Variants in IFT88 observed in about 807,000 individuals in gnomAD.
IFT88 encodes the protein intraflagellar transport protein 88 homolog.
Under a neutral mutation model 119.5 loss-of-function variants are expected in IFT88, and 74 were observed. That is an observed-to-expected ratio of 0.62 (90% CI 0.51 to 0.75). IFT88 has a LOEUF of 0.75. Among genes scored for constraint, IFT88 ranks in the 30% least tolerant of loss-of-function variants. IFT88 has a pLI of 0.00. For missense variants in IFT88, 961 were observed against 977.7 expected (o/e 0.98, Z 0.23); for synonymous variants, 279 against 316.7 (o/e 0.88, Z 1.26).
chr13:20,588,157 C>T (rs1175908459), intron 3 of IFT88, among the ~76,000 whole-genome samples: 1 of 151,950 alleles, frequency 6.6e-6, no homozygotes, highest in Non-Finnish European at 1.5e-5. Context: ...TGATACTCAT[C>T]TCTAACTTTT....
intron 14 of IFT88, among the ~76,000 whole-genome samples, chr13:20,624,279 G>T (rs181546015): frequency 1.8e-3 from 270 of 152,214 alleles, no homozygotes; most frequent in Non-Finnish European, 3.0e-3. Flanking sequence ...AAAGGATAGT[G>T]ATGCAGGGAT....
chr13:20,598,852 G>A (rs2139023963), intron 10 of IFT88, 99 bp downstream of exon 10: 1 of 699,390 alleles, frequency 1.4e-6, no homozygotes, highest in Non-Finnish European at 2.5e-6. Context: ...AATGATCTAT[G>A]CTCTAAACAA....
intron 22 of IFT88, among the ~76,000 whole-genome samples, chr13:20,659,426 C>A (rs76375984): frequency 0.043 from 6,523 of 152,028 alleles, 185 homozygotes; most frequent in Middle Eastern, 0.075. Flanking sequence ...CCCAGGAGTT[C>A]CAAACTGCAG....
intron 24 of IFT88, among the ~76,000 whole-genome samples, chr13:20,678,198 CAT>C (rs2056913999): frequency 6.6e-6 from 1 of 152,194 alleles, no homozygotes; most frequent in African/African-American, 2.4e-5. Flanking sequence ...TTCTCTCACA[CAT>C]GGTGGTGAAA....
chr13:20,569,520 C>T (rs928867749), intron 1 of IFT88, among the ~76,000 whole-genome samples: 1 of 151,446 alleles, frequency 6.6e-6, no homozygotes, highest in African/African-American at 2.4e-5. Context: ...TTTCAGTGAG[C>T]CGAGATCGCG....
chr13:20,585,682 A>G (rs1422024296), intron 3 of IFT88, among the ~76,000 whole-genome samples: 2 of 152,232 alleles, frequency 1.3e-5, no homozygotes, highest in African/African-American at 4.8e-5. Flanking sequence ...AAGCCAGGGC[A>G]AACAAAGACA....
intron 21 of IFT88, among the ~76,000 whole-genome samples, chr13:20,655,458 A>G (rs1374922811): frequency 6.6e-6 from 1 of 151,982 alleles, no homozygotes; most frequent in East Asian, 1.9e-4. Context: ...AAAAAAACAA[A>G]AAAAACCACA....
intron 24 of IFT88, among the ~76,000 whole-genome samples, chr13:20,679,402 G>C (rs1029990848): frequency 6.6e-6 from 1 of 152,188 alleles, no homozygotes; most frequent in Non-Finnish European, 1.5e-5. Flanking sequence ...ATCCCGTAAT[G>C]ATTAAAATTA....
intron 1 of IFT88, among the ~76,000 whole-genome samples, chr13:20,573,391 A>C (rs912507179): frequency 1.3e-5 from 2 of 152,142 alleles, no homozygotes; most frequent in Non-Finnish European, 2.9e-5. Context: ...CCAAGGTTAC[A>C]TGAAGTCTGA....
At chr13:20,567,950 C>T (rs1271286442) in intron 1 of IFT88, 5 of 702,142 alleles carry the variant, frequency 7.1e-6, no homozygotes, top group Non-Finnish European at 1.0e-5. Flanking sequence ...TGGGCCACAT[C>T]GGAAGAAGAA....
At chr13:20,682,607 G>A (rs1566477733) in intron 24 of IFT88, among the ~76,000 whole-genome samples, 1 of 152,206 alleles carries the variant, frequency 6.6e-6, no homozygotes, top group African/African-American at 2.4e-5. Context: ...GAGTGAGGAG[G>A]AGCAGTCTGA....
At chr13:20,677,840 TAAG>T (rs1566461837) in intron 24 of IFT88, among the ~76,000 whole-genome samples, 1 of 152,182 alleles carries the variant, frequency 6.6e-6, no homozygotes, top group Non-Finnish European at 1.5e-5. Context: ...GAGAGTTATT[TAAG>T]AAGAGATTTG....
intron 14 of IFT88, among the ~76,000 whole-genome samples, chr13:20,625,209 A>C (rs955163733): frequency 2.6e-5 from 4 of 152,184 alleles, no homozygotes; most frequent in African/African-American, 4.8e-5. Context: ...TTGTGATCTC[A>C]GATCTTCCAT....
chr13:20,615,534 G>T (rs2045464835), intron 13 of IFT88, among the ~76,000 whole-genome samples: 1 of 152,110 alleles, frequency 6.6e-6, no homozygotes, highest in Non-Finnish European at 1.5e-5. Flanking sequence ...TCTTCAGTTT[G>T]TCAGAAGGCA....
At chr13:20,592,919 GA>G (rs1298377924) in intron 7 of IFT88, among the ~76,000 whole-genome samples, 1 of 151,210 alleles carries the variant, frequency 6.6e-6, no homozygotes, top group Non-Finnish European at 1.5e-5. Context: ...ACAAAATTAA[GA>G]ATAGCCATAT....
At chr13:20,615,007 G>A (rs1201993253) in intron 13 of IFT88, among the ~76,000 whole-genome samples, 1 of 151,942 alleles carries the variant, frequency 6.6e-6, no homozygotes. Flanking sequence ...AGTAGAGACG[G>A]GGTTTCACCA....
At chr13:20,631,383 G>C (rs2048181508) in intron 16 of IFT88, 1 of 302,330 alleles carries the variant, frequency 3.3e-6, no homozygotes, top group Admixed American at 4.2e-5. Flanking sequence ...AGCTAGAGAT[G>C]TATTTCAACT....
chr13:20,627,436 A>T (rs1394804763), intron 15 of IFT88, among the ~76,000 whole-genome samples: 3 of 152,112 alleles, frequency 2.0e-5, no homozygotes, highest in African/African-American at 7.2e-5. Flanking sequence ...ATCTTTTTAG[A>T]AAGGGTTAAG....
At chr13:20,576,998 A>G (rs1417243358) in intron 2 of IFT88, among the ~76,000 whole-genome samples, 3 of 152,320 alleles carry the variant, frequency 2.0e-5, no homozygotes, top group East Asian at 1.9e-4. Flanking sequence ...ATCTATGAAC[A>G]TGAAACATCT....
Sources: gnomAD v4.1 joint callset for allele counts (sites outside exome capture counted in the v4.1 genomes callset) on GRCh38, gnomAD v4.1.1 for gene constraint, MANE v1.5 for transcripts, NCBI Gene and HGNC (gene_info 2026-07-23, HGNC 2026-07-21) for gene names.